The following ZNF488 variants were observed in gnomAD, a reference collection of about 807,000 sequenced individuals.
ZNF488 encodes zinc finger protein 488.
ZNF488 carries 1 observed loss-of-function variant against 1.2 expected under a neutral mutation model. That is an observed-to-expected ratio of 0.86 (90% CI 0.30 to 4.07). The LOEUF is 4.07. Ranked by LOEUF, ZNF488 falls within the 30% of genes most tolerant of loss-of-function variation. The probability of loss-of-function intolerance (pLI) is 0.18; values close to 1 mark genes in which losing one functional copy is unlikely to be tolerated. For missense variants in ZNF488, 450 were observed against 437.9 expected, an observed-to-expected ratio of 1.03 and a Z score of -0.25; for synonymous variants, 185 against 190.1, an observed-to-expected ratio of 0.97 and a Z score of 0.22.
chr10:47,379,901 G>C (rs1447128199), intron 1 of ZNF488, among the ~76,000 whole-genome samples: 1 of 151,622 alleles, frequency 6.6e-6, no homozygotes, highest in Admixed American at 6.6e-5. Context: ...CACACACACT[G>C]CAGCCCACGC....
chr10:47,372,508 A>C (rs782504663), intron 1 of ZNF488, among the ~76,000 whole-genome samples: 6 of 141,298 alleles, frequency 4.2e-5, no homozygotes, highest in Non-Finnish European at 7.5e-5. Context: ...TCTGCTTTCT[A>C]AGCATGGAGA....
chr10:47,382,286 A>T (rs1193054821), intron 1 of ZNF488, among the ~76,000 whole-genome samples: 1 of 152,274 alleles, frequency 6.6e-6, no homozygotes, highest in Non-Finnish European at 1.5e-5. Context: ...GCCTTCAGGC[A>T]AAAAGTCCAT....
At chr10:47,377,615 C>T (rs1477166302) in intron 1 of ZNF488, among the ~76,000 whole-genome samples, 1 of 149,418 alleles carries the variant, frequency 6.7e-6, no homozygotes, top group African/African-American at 2.5e-5. Flanking sequence ...CACACACACA[C>T]ACACACACAC....
intron 1 of ZNF488, among the ~76,000 whole-genome samples, chr10:47,373,626 T>A (rs2132290499): frequency 6.6e-6 from 1 of 152,228 alleles, no homozygotes; most frequent in Non-Finnish European, 1.5e-5. Flanking sequence ...TTCTTTGTGA[T>A]CAAGGGACAG....
chr10:47,382,561 C>A (rs1457503956), intron 1 of ZNF488, among the ~76,000 whole-genome samples: 1 of 151,990 alleles, frequency 6.6e-6, no homozygotes, highest in Admixed American at 6.6e-5. Context: ...AGTCTTTTAT[C>A]CCTCCCCCCA....
At chr10:47,372,420 C>T (rs897147601) in intron 1 of ZNF488, among the ~76,000 whole-genome samples, 1 of 141,644 alleles carries the variant, frequency 7.1e-6, no homozygotes, top group African/African-American at 2.5e-5. Context: ...CCTGTCAGCC[C>T]TCCCCACCCA....
chr10:47,374,361 T>C (rs189233844), intron 1 of ZNF488, among the ~76,000 whole-genome samples: 6 of 152,326 alleles, frequency 3.9e-5, no homozygotes, highest in African/African-American at 1.4e-4. Flanking sequence ...CCAGACTAAG[T>C]TGCTCTTCTA....
rs1555212861 is a variant in ZNF488 at position 47,366,824 on chromosome 10, A to T, written c.*983T>A. The T allele has an allele frequency of 6.0e-6, 1 of 166,956 alleles. No individual in the cohort carries two copies. Among genetic ancestry groups the T allele is most frequent in the Non-Finnish European group, 1.5e-5 (1 of 68,098 alleles). The allele number at this position is 166,956 out of a possible 1,614,324, so 10.3% of individuals were successfully genotyped here. On this transcript the variant is annotated 3_prime_UTR_variant, in exon 2 of 2. Coordinates refer to ENST00000585316, the MANE Select transcript of ZNF488 (RefSeq NM_153034.4). Reference sequence around the variant, plus strand: ...AACAGCATGTGTGTAGGTGGTGGGGAGGGGGTTCTATTTCCCCGTATTCAT... The same window carrying T: ...AACAGCATGTGTGTAGGTGGTGGGGTGGGGGTTCTATTTCCCCGTATTCAT...
intron 1 of ZNF488, among the ~76,000 whole-genome samples, chr10:47,375,388 C>T (rs1555214316): frequency 6.6e-6 from 1 of 152,174 alleles, no homozygotes. Context: ...ATGCCACATC[C>T]AGGGATATCG....
At chr10:47,380,294 C>A (rs1426871918) in intron 1 of ZNF488, among the ~76,000 whole-genome samples, 1 of 151,730 alleles carries the variant, frequency 6.6e-6, no homozygotes, top group Non-Finnish European at 1.5e-5. Flanking sequence ...CATTGCCACC[C>A]CATGTCTTTC....
At position 47,368,182 on chromosome 10, in the gene ZNF488, A is replaced by G. The variant is rs1299360817; in HGVS notation, c.648T>C (p.Asp216=). The G allele has an allele frequency of 6.2e-7, 1 of 1,614,080 alleles. No individual in the cohort carries two copies. Among genetic ancestry groups the G allele is most frequent in the Non-Finnish European group, 8.5e-7 (1 of 1,180,040 alleles). ...GTGGCAATGCTTGCAAGTTCCACAA[A>G]TCACCAACCAAAAGCTTGGGAGTTG... is the stretch of plus-strand genomic sequence containing the variant. The part of the protein sequence containing the change: ...RLSTPKLLVG[D]LWNLQALPQN... Residue 216 remains aspartate, a synonymous_variant, in exon 2 of 2, where the codon GAT becomes GAC. Transcript: ENST00000585316.
rs192890896 is a variant in ZNF488 at position 47,374,284 on chromosome 10, G to T, written c.-108-5347C>A. Among the ~76,000 whole-genome samples the T allele has an allele frequency of 5.3e-5, 8 of 152,178 alleles. No homozygotes were observed. In the East Asian group the frequency reaches 9.6e-4, roughly 18 times the overall value. On this transcript the variant is annotated intron_variant, in intron 1 of 1. Transcript: ENST00000585316. Reference sequence around the variant, plus strand: ...TAGACATTATTTTGACAAGCTAAAGGGCAAAAAATGCAGATCTAATAATCA... The same window carrying T: ...TAGACATTATTTTGACAAGCTAAAGTGCAAAAAATGCAGATCTAATAATCA...
intron 1 of ZNF488, among the ~76,000 whole-genome samples, chr10:47,372,625 C>T (rs1289534218): frequency 6.6e-6 from 1 of 152,208 alleles, no homozygotes; most frequent in Non-Finnish European, 1.5e-5. Context: ...CCACCTCCAT[C>T]GTTGCCCCAA....
intron 1 of ZNF488, among the ~76,000 whole-genome samples, chr10:47,383,951 A>T (rs1194194995): frequency 6.6e-6 from 1 of 152,190 alleles, no homozygotes; most frequent in Admixed American, 6.5e-5. Flanking sequence ...AGAGAGACTG[A>T]CACAGAAGAA....
chr10:47,368,224 A>T lies in ZNF488; in HGVS notation c.606T>A (p.Ala202=). 18 of 1,614,208 alleles carry T rather than the reference A, an allele frequency of 1.1e-5. No homozygotes were observed. Among genetic ancestry groups the T allele is most frequent in the Non-Finnish European group, 1.5e-5 (18 of 1,180,036 alleles). The change falls in exon 2 of 2, where the codon GCT becomes GCA. Residue 202 remains alanine (A), a synonymous_variant. Transcript: ENST00000585316. ...TGGGAGTTGAAAGTCGACCCCAACAAGCGAGGTCTGTAGTGTTGAGGAGTC... is the reference window on the plus strand; with the variant it reads ...TGGGAGTTGAAAGTCGACCCCAACATGCGAGGTCTGTAGTGTTGAGGAGTC... ...LSGLLNTTDL[A]CWGRLSTPKL... is the part of the protein sequence containing the mutation.
chr10:47,382,282 A>G (rs1034863758), intron 1 of ZNF488, among the ~76,000 whole-genome samples: 1 of 152,264 alleles, frequency 6.6e-6, no homozygotes, highest in Non-Finnish European at 1.5e-5. Flanking sequence ...GGCAGCCTTC[A>G]GGCAAAAAGT....
rs1837232288 is a variant in ZNF488, at chr10:47,366,735, A to T, written c.*1072T>A. 6.0e-6 allele frequency: 1 copy of T among 167,068 alleles called. No individual in the cohort carries two copies. The highest frequency in any genetic ancestry group is 1.5e-5 in the Non-Finnish European group (1 of 68,120). The allele number at this position is 167,068 out of a possible 1,614,324, so 10.3% of individuals were successfully genotyped here. A position where few individuals can be genotyped will look rare whatever the true frequency, so the allele number is the denominator to read the frequency against. On this transcript the variant is annotated 3_prime_UTR_variant, in exon 2 of 2. Coordinates refer to ENST00000585316, the MANE Select transcript of ZNF488 (RefSeq NM_153034.4). ...GCAGTAGATAATAAATGGTACCTAG[A>T]ATGCTCCCCAGCCTCACGATCTGGA...
intron 1 of ZNF488, among the ~76,000 whole-genome samples, chr10:47,375,203 T>C (rs1169234903): frequency 6.6e-6 from 1 of 152,240 alleles, no homozygotes; most frequent in Non-Finnish European, 1.5e-5. Flanking sequence ...AACTCAGACA[T>C]TATTCAAAAC....
rs2132267007 is a variant in ZNF488 at position 47,366,243 on chromosome 10, C to T, written c.*1564G>A. ...TAGGCCTGTAAGTGTGAAGGGCAGCCACAGGGTTGGAGGCATCATCTGAGT... is the reference window on the plus strand; with the variant it reads ...TAGGCCTGTAAGTGTGAAGGGCAGCTACAGGGTTGGAGGCATCATCTGAGT... On this transcript the variant is annotated 3_prime_UTR_variant, in exon 2 of 2. Transcript: ENST00000585316. 1 of 167,244 alleles carries T rather than the reference C, an allele frequency of 6.0e-6. No individual in the cohort carries two copies. The highest frequency in any genetic ancestry group is 6.5e-5 in the Admixed American group (1 of 15,284). The allele number at this position is 167,244 out of a possible 1,614,324, so 10.4% of individuals were successfully genotyped here. A position where few individuals can be genotyped will look rare whatever the true frequency, so the allele number is the denominator to read the frequency against.
Sources: allele counts gnomAD v4.1 joint callset (sites outside exome capture counted in the v4.1 genomes callset), GRCh38; gene constraint gnomAD v4.1.1; transcripts MANE v1.5; gene names NCBI Gene and HGNC (gene_info 2026-07-23, HGNC 2026-07-21).